Variants in SLC41A3 observed in about 807,000 individuals in gnomAD.
SLC41A3 encodes the protein solute carrier family 41 member 3.
In SLC41A3, 44 loss-of-function variants were observed where a neutral mutation model predicts 45.4. The ratio of observed to expected loss-of-function variants is 0.97; its 90% CI spans 0.76 to 1.25. The LOEUF is 1.25. SLC41A3 is among the 50% of genes most tolerant of loss of function. The pLI is 0.00. For synonymous variants in SLC41A3, 256 were observed against 252.4 expected (o/e 1.01, Z -0.13); for missense variants, 550 against 600.6 (o/e 0.92, Z 0.88).
intron 1 of SLC41A3, among the ~76,000 whole-genome samples, chr3:126,093,395 C>G (rs1400170101): frequency 6.6e-6 from 1 of 152,190 alleles, no homozygotes; most frequent in Non-Finnish European, 1.5e-5. Context: ...GGGCCCCATT[C>G]CAAACCAGGG....
At chr3:126,091,915 C>T (rs918428066) in intron 1 of SLC41A3, among the ~76,000 whole-genome samples, 7 of 152,130 alleles carry the variant, frequency 4.6e-5, no homozygotes, top group Admixed American at 1.3e-4. Flanking sequence ...GTCAGCTGTG[C>T]CTGAATCCAA....
In SLC41A3 at chr3:126,068,088, C is replaced by T. The variant is rs1279382783; in HGVS notation, c.132G>A (p.Glu44=). Residue 44 remains glutamate (E), a synonymous_variant, in exon 2 of 11, where the codon GAG becomes GAA. Coordinates refer to ENST00000360370, the MANE Select transcript of SLC41A3 (RefSeq NM_017836.4). ...ASEDGALRAP[E]SQSVTPKPLE... is the part of the protein sequence containing the mutation. ...GTGGCTTGGGGGTCACGCTTTGGCT[C>T]TCAGGGGCCCTGAGAGCTCCATCTT... 2 of 1,613,670 alleles carry T rather than the reference C, an allele frequency of 1.2e-6. No individual in the cohort carries two copies. The highest frequency in any genetic ancestry group is 1.3e-5 in the African/African-American group (1 of 74,868).
intron 2 of SLC41A3, among the ~76,000 whole-genome samples, chr3:126,066,762 G>C (rs966802644): frequency 6.6e-6 from 1 of 152,172 alleles, no homozygotes; most frequent in Non-Finnish European, 1.5e-5. Context: ...TTTACCTTGA[G>C]TTGATAGCAG....
chr3:126,051,154 A>G, intron 2 of SLC41A3, 104 bp from the exon 3 acceptor site: 3 of 1,276,570 alleles, frequency 2.4e-6, no homozygotes, highest in Non-Finnish European at 3.1e-6. Flanking sequence ...TCCCTATAAA[A>G]TGAACAAATA....
At chr3:126,027,461 A>G (rs899673382) in intron 4 of SLC41A3, among the ~76,000 whole-genome samples, 1 of 152,144 alleles carries the variant, frequency 6.6e-6, no homozygotes, top group Non-Finnish European at 1.5e-5. Context: ...TCATGCTTCC[A>G]TGCTGTACAG....
chr3:126,036,518 G>A (rs751050724), intron 3 of SLC41A3, among the ~76,000 whole-genome samples: 16 of 152,084 alleles, frequency 1.1e-4, no homozygotes, highest in Non-Finnish European at 1.6e-4. Context: ...AACCCCACCC[G>A]CCAGGATCTG....
At chr3:126,022,266 A>G (rs1576233917) in intron 6 of SLC41A3, among the ~76,000 whole-genome samples, 1 of 152,210 alleles carries the variant, frequency 6.6e-6, no homozygotes, top group African/African-American at 2.4e-5. Flanking sequence ...TATTATCTGG[A>G]TATTGTTATT....
chr3:126,073,431 T>C (rs1267959567), intron 1 of SLC41A3, among the ~76,000 whole-genome samples: 4 of 151,948 alleles, frequency 2.6e-5, no homozygotes, highest in South Asian at 2.1e-4. Context: ...CAAGACCCTG[T>C]CTCAGAAAAA....
chr3:126,052,967 G>A (rs1473641414), intron 2 of SLC41A3, among the ~76,000 whole-genome samples: 1 of 152,238 alleles, frequency 6.6e-6, no homozygotes, highest in Non-Finnish European at 1.5e-5. Flanking sequence ...GACGGCGGGG[G>A]AAGCTGAATC....
At chr3:126,032,189 T>G (rs1389501789) in intron 4 of SLC41A3, among the ~76,000 whole-genome samples, 1 of 152,150 alleles carries the variant, frequency 6.6e-6, no homozygotes, top group Non-Finnish European at 1.5e-5. Context: ...GGCCCACAGT[T>G]GGACGAGAGG....
intron 8 of SLC41A3, among the ~76,000 whole-genome samples, chr3:126,013,314 C>A (rs902451188): frequency 6.6e-6 from 1 of 151,670 alleles, no homozygotes; most frequent in African/African-American, 2.4e-5. Context: ...AATCCTAGCA[C>A]TTTTGGAGGC....
chr3:126,046,839 G>A (rs1215859770), intron 3 of SLC41A3, among the ~76,000 whole-genome samples: 2 of 151,938 alleles, frequency 1.3e-5, no homozygotes, highest in East Asian at 3.9e-4. Flanking sequence ...GCAGGTGCCT[G>A]TAATCCCAGC....
At chr3:126,018,669 T>C (rs1216721988) in intron 6 of SLC41A3, among the ~76,000 whole-genome samples, 1 of 152,260 alleles carries the variant, frequency 6.6e-6, no homozygotes, top group African/African-American at 2.4e-5. Flanking sequence ...CTTCCCTTTG[T>C]CTGGGCACTT....
intron 1 of SLC41A3, among the ~76,000 whole-genome samples, chr3:126,078,028 C>A (rs929617240): frequency 6.6e-6 from 1 of 152,144 alleles, no homozygotes; most frequent in African/African-American, 2.4e-5. Flanking sequence ...ATGGGAACTG[C>A]CTACTCCCAC....
chr3:126,035,328 A>G (rs145886932), intron 3 of SLC41A3, among the ~76,000 whole-genome samples: 147 of 152,260 alleles, frequency 9.7e-4, no homozygotes, highest in African/African-American at 3.5e-3. Flanking sequence ...ACTGAACACT[A>G]CGTTTCCCAG....
intron 1 of SLC41A3, among the ~76,000 whole-genome samples, chr3:126,071,737 T>G (rs1478993332): frequency 1.3e-4 from 20 of 151,944 alleles, no homozygotes; most frequent in Non-Finnish European, 1.5e-5. Context: ...CAGAAGGACA[T>G]TTAGGAAATT....
chr3:126,011,728 G>A (rs1309380163), intron 9 of SLC41A3, among the ~76,000 whole-genome samples: 1 of 152,162 alleles, frequency 6.6e-6, no homozygotes, highest in African/African-American at 2.4e-5. Context: ...AATTGAAATG[G>A]CAGATTTCTC....
At chr3:126,043,587 T>C (rs1413719921) in intron 3 of SLC41A3, among the ~76,000 whole-genome samples, 1 of 151,958 alleles carries the variant, frequency 6.6e-6, no homozygotes, top group African/African-American at 2.4e-5. Flanking sequence ...AGGTACACAA[T>C]ATAAAAAGAT....
chr3:126,051,188 C>T (rs1943309191), intron 2 of SLC41A3, 138 bp from the exon 3 acceptor site: 2 of 1,035,128 alleles, frequency 1.9e-6, no homozygotes, highest in African/African-American at 1.6e-5. Flanking sequence ...TCTTAAATGG[C>T]TTTAAACTAA....
Sources: allele counts gnomAD v4.1 joint callset (sites outside exome capture counted in the v4.1 genomes callset), GRCh38; gene constraint gnomAD v4.1.1; transcripts MANE v1.5; gene names NCBI Gene and HGNC (gene_info 2026-07-23, HGNC 2026-07-21).